The following ASPH variants were observed in gnomAD, a reference collection of about 807,000 sequenced individuals.
ASPH encodes the protein aspartate beta-hydroxylase, also known as aspartyl/asparaginyl beta-hydroxylase.
A neutral mutation model predicts 118.4 loss-of-function variants in ASPH; 100 were observed. The ratio of observed to expected loss-of-function variants is 0.84; its 90% CI spans 0.72 to 1.00. The LOEUF (loss-of-function observed/expected upper bound fraction) is 1.00. ASPH is among the 50% of genes least tolerant of loss of function. The pLI is 0.00. For synonymous variants in ASPH, 315 were observed against 325.6 expected (o/e 0.97, Z 0.35); for missense variants, 920 against 919.5 (o/e 1.00, Z -0.01).
At chr8:61,540,284 A>C (rs577380206) in intron 21 of ASPH, among the ~76,000 whole-genome samples, 3 of 152,078 alleles carry the variant, frequency 2.0e-5, no homozygotes, top group African/African-American at 7.2e-5. Flanking sequence ...TGGTGGGAGG[A>C]GATTGGACCA....
intron 21 of ASPH, among the ~76,000 whole-genome samples, chr8:61,533,029 C>T (rs1247192330): frequency 6.6e-6 from 1 of 152,042 alleles, no homozygotes; most frequent in Admixed American, 6.5e-5. Context: ...CTCAGTGGCA[C>T]CCTTCAACCT....
At chr8:61,572,303 C>G (rs1833693084) in intron 16 of ASPH, among the ~76,000 whole-genome samples, 1 of 152,206 alleles carries the variant, frequency 6.6e-6, no homozygotes, top group South Asian at 2.1e-4. Context: ...GGTTGACAAT[C>G]TTGACCTCTA....
rs770191942 is a variant in ASPH at position 61,548,141 on chromosome 8, T to C, written c.1694A>G (p.Tyr565Cys). 1 of 1,614,056 alleles carries C rather than the reference T, an allele frequency of 6.2e-7. No homozygotes were observed. Among genetic ancestry groups the C allele is most frequent in the Non-Finnish European group, 8.5e-7 (1 of 1,179,930 alleles). The change falls in exon 21 of 25, where the codon TAC becomes TGC. Residue 565 changes from tyrosine (Y) to cysteine (C), a missense_variant. Transcript: ENST00000379454. The stretch of plus-strand genomic sequence containing the variant: ...CTGTGCTTTCAGTCCATTCACATTG[T>C]AGAGTGAGCGTTGCCAGACAGATGC... ...HFASVWQRSL[Y>C]NVNGLKAQPW... is the part of the protein sequence containing the mutation.
At position 61,553,185 on chromosome 8, in the gene ASPH, C is replaced by T. The variant is rs117369439; in HGVS notation, c.1537-65G>A. On this transcript the variant is annotated intron_variant, in intron 19 of 24. Coordinates refer to ENST00000379454, the MANE Select transcript of ASPH (RefSeq NM_004318.4). ...ATACCAGATTCCATTAATTGATTTA[C>T]ATAGCTTTTCTTATGGCACATCGTA... 13 of 1,262,126 alleles carry T rather than the reference C, an allele frequency of 1.0e-5. No homozygotes were observed. In the East Asian group the frequency reaches 2.9e-4, roughly 28 times the overall value. The allele number at this position is 1,262,126 out of a possible 1,614,324, so 78.2% of individuals were successfully genotyped here.
intron 22 of ASPH, among the ~76,000 whole-genome samples, chr8:61,525,241 T>A (rs1180139352): frequency 6.6e-6 from 1 of 152,178 alleles, no homozygotes; most frequent in Non-Finnish European, 1.5e-5. Flanking sequence ...TTTACTTTTA[T>A]ATAGTTATTG....
intron 2 of ASPH, chr8:61,682,606 T>C (rs1828673559): frequency 1.1e-5 from 10 of 888,202 alleles, no homozygotes; most frequent in Non-Finnish European, 1.7e-5. Context: ...AGCATAGATC[T>C]ACTCAGAAAT....
At chr8:61,665,430 T>C (rs1819074546) in intron 3 of ASPH, 2 of 1,602,468 alleles carry the variant, frequency 1.2e-6, no homozygotes, top group Middle Eastern at 3.3e-4. Context: ...ACTTTCTCTT[T>C]TTCTCTGTCC....
At chr8:61,607,656 G>A (rs1030081463) in intron 14 of ASPH, among the ~76,000 whole-genome samples, 1 of 151,932 alleles carries the variant, frequency 6.6e-6, no homozygotes, top group African/African-American at 2.4e-5. Flanking sequence ...TCTGGCATGA[G>A]AGACCCATGA....
At chr8:61,540,644 T>C (rs1821502816) in intron 21 of ASPH, among the ~76,000 whole-genome samples, 1 of 152,216 alleles carries the variant, frequency 6.6e-6, no homozygotes, top group Non-Finnish European at 1.5e-5. Context: ...AATGGACTAT[T>C]TCAGTTTAAT....
chr8:61,653,096 T>TG (rs1301757108), intron 4 of ASPH, among the ~76,000 whole-genome samples: 1 of 152,210 alleles, frequency 6.6e-6, no homozygotes, highest in Non-Finnish European at 1.5e-5. Context: ...TGAACCCATG[T>TG]GGACACAAAA....
At chr8:61,650,309 A>G (rs555433646) in intron 5 of ASPH, among the ~76,000 whole-genome samples, 1 of 152,158 alleles carries the variant, frequency 6.6e-6, no homozygotes, top group Admixed American at 6.6e-5. Context: ...AACAGTTTAA[A>G]CTACAGGGCA....
At chr8:61,521,215 A>G (rs1329400615) in intron 22 of ASPH, among the ~76,000 whole-genome samples, 1 of 152,242 alleles carries the variant, frequency 6.6e-6, no homozygotes, top group Non-Finnish European at 1.5e-5. Flanking sequence ...AGCGAACAGC[A>G]GAGCAGGAAT....
intron 24 of ASPH, among the ~76,000 whole-genome samples, chr8:61,516,420 G>C (rs1810934305): frequency 1.3e-5 from 2 of 152,130 alleles, no homozygotes; most frequent in Admixed American, 1.3e-4. Context: ...AGTCATCTCT[G>C]AATTTCCCAC....
At chr8:61,703,844 G>A (rs1563657602) in intron 1 of ASPH, among the ~76,000 whole-genome samples, 1 of 152,078 alleles carries the variant, frequency 6.6e-6, no homozygotes, top group Non-Finnish European at 1.5e-5. Flanking sequence ...CAAAGTAGGA[G>A]GATTTACACT....
intron 7 of ASPH, 37 bp downstream of exon 7, chr8:61,644,563 C>T (rs1588563329): frequency 6.7e-7 from 1 of 1,497,694 alleles, no homozygotes. Flanking sequence ...AAGGAAGACT[C>T]ACTCTAATTA....
At chr8:61,648,886 C>T (rs372004862) in intron 5 of ASPH, among the ~76,000 whole-genome samples, 3 of 152,234 alleles carry the variant, frequency 2.0e-5, no homozygotes, top group African/African-American at 7.2e-5. Context: ...GGAGGTTATG[C>T]TCAGTCTGAA....
chr8:61,636,098 T>A (rs1390682358), intron 12 of ASPH, among the ~76,000 whole-genome samples: 1 of 152,188 alleles, frequency 6.6e-6, no homozygotes, highest in Non-Finnish European at 1.5e-5. Context: ...AAAGTAACTT[T>A]ACTGACACAG....
intron 13 of ASPH, among the ~76,000 whole-genome samples, chr8:61,622,383 G>A (rs1488009058): frequency 6.6e-6 from 1 of 152,186 alleles, no homozygotes; most frequent in Non-Finnish European, 1.5e-5. Context: ...CTGTACTCGT[G>A]TTCCAGCCAC....
chr8:61,603,745 G>T (rs1206798953), intron 14 of ASPH, among the ~76,000 whole-genome samples: 1 of 152,136 alleles, frequency 6.6e-6, no homozygotes, highest in Non-Finnish European at 1.5e-5. Flanking sequence ...GTGGTAGGGG[G>T]GAAGTAAATT....
Sources: allele counts gnomAD v4.1 joint callset (sites outside exome capture counted in the v4.1 genomes callset), GRCh38; gene constraint gnomAD v4.1.1; transcripts MANE v1.5; gene names NCBI Gene and HGNC (gene_info 2026-07-23, HGNC 2026-07-21).